Variants in CYREN observed in about 807,000 individuals in gnomAD.
The protein encoded by CYREN is cell cycle regulator of NHEJ.
Under a neutral mutation model 9.7 loss-of-function variants are expected in CYREN, and 7 were observed. The ratio of observed to expected loss-of-function variants is 0.72; its 90% CI spans 0.41 to 1.36. The LOEUF (loss-of-function observed/expected upper bound fraction) is 1.36. CYREN is among the 40% of genes most tolerant of loss of function. The probability of loss-of-function intolerance (pLI) is 0.01; values close to 1 mark genes in which losing one functional copy is unlikely to be tolerated. For synonymous variants in CYREN, 76 were observed against 77.9 expected, an observed-to-expected ratio of 0.98 and a Z score of 0.13; for missense variants, 215 against 198.1, an observed-to-expected ratio of 1.09 and a Z score of -0.51.
intron 2 of CYREN, among the ~76,000 whole-genome samples, chr7:135,112,814 G>A (rs1825823460): frequency 6.6e-6 from 1 of 152,112 alleles, no homozygotes; most frequent in Non-Finnish European, 1.5e-5. Context: ...TGATTGCTCT[G>A]TCACACAGGC....
intron 2 of CYREN, among the ~76,000 whole-genome samples, chr7:135,108,934 G>C (rs866331537): frequency 3.3e-5 from 5 of 152,264 alleles, no homozygotes; most frequent in African/African-American, 1.2e-4. Flanking sequence ...CAGAGAACCA[G>C]TCTTCAAGCT....
chr7:135,167,474 C>T (rs1045851007), intron 3 of CYREN: 20 of 1,361,176 alleles, frequency 1.5e-5, no homozygotes, highest in Admixed American at 6.5e-5. Context: ...TGCACAGTCA[C>T]GCTCTCCCTA....
chr7:135,107,139 AT>A (rs1824847880), intron 2 of CYREN, among the ~76,000 whole-genome samples: 1 of 123,682 alleles, frequency 8.1e-6, no homozygotes. Context: ...TATCTATATT[AT>A]TGATTTTTTT....
Position 135,167,720 on chromosome 7 carries a change from G to A in CYREN, c.213+12C>T. The A allele has an allele frequency of 6.2e-7, 1 of 1,613,890 alleles. No individual in the cohort carries two copies. The highest frequency in any genetic ancestry group is 8.5e-7 in the Non-Finnish European group (1 of 1,179,946). On this transcript the variant is annotated intron_variant, in intron 3 of 3. Coordinates refer to ENST00000393114, the MANE Select transcript of CYREN (RefSeq NM_024033.4). ...GTTTCTGGTCATGAGTAAGAGGCTT[G>A]TCTGACTTTACCTCAATCAGGATTC...
intron 2 of CYREN, among the ~76,000 whole-genome samples, chr7:135,109,871 C>T (rs560899247): frequency 5.1e-4 from 77 of 152,284 alleles, no homozygotes; most frequent in Non-Finnish European, 8.7e-4. Context: ...AAGACGGTGG[C>T]CCATCCTTTC....
chr7:135,164,661 G>A (rs374654185), downstream of CYREN: 3 of 1,613,296 alleles, frequency 1.9e-6, no homozygotes, highest in African/African-American at 4.0e-5. Flanking sequence ...GGAAGCCCTG[G>A]GGGTGCCTCG....
chr7:135,133,471 A>G (rs947864561), intron 2 of CYREN, among the ~76,000 whole-genome samples: 1 of 152,206 alleles, frequency 6.6e-6, no homozygotes, highest in Non-Finnish European at 1.5e-5. Context: ...AGCAAAAACA[A>G]TTTTGACAAA....
chr7:135,156,033 T>C (rs974572430), intron 2 of CYREN, among the ~76,000 whole-genome samples: 2 of 39,420 alleles, frequency 5.1e-5, no homozygotes, highest in Non-Finnish European at 1.3e-4. Context: ...AGACACACTG[T>C]TTTTTTTTTT....
chr7:135,133,755 C>A (rs901260042), intron 2 of CYREN, among the ~76,000 whole-genome samples: 1 of 152,000 alleles, frequency 6.6e-6, no homozygotes, highest in Non-Finnish European at 1.5e-5. Context: ...ACATCTTATA[C>A]AAAAATTAAC....
chr7:135,102,404 A>G (rs1374108612), intron 2 of CYREN, among the ~76,000 whole-genome samples: 1 of 152,176 alleles, frequency 6.6e-6, no homozygotes, highest in Non-Finnish European at 1.5e-5. Flanking sequence ...AAAAATGTTA[A>G]TAATATCAAA....
chr7:135,166,850 A>G lies in CYREN; in HGVS notation c.235T>C (p.Cys79Arg), dbSNP rs1830184369. Residue 79 changes from cysteine (C) to arginine (R), a missense_variant, in exon 4 of 4, where the codon TGC becomes CGC. Transcript: ENST00000393114. ...GCCCCCGCCAGGGCCGGCTGCTCGC[A>G]GGCCTTTTCCTGTTTGCGGCTCTGT... is the stretch of plus-strand genomic sequence containing the variant. ...LIESRKQEKACEQPALAGADN... is the reference protein window; with the variant it reads ...LIESRKQEKAREQPALAGADN... 6.2e-7 allele frequency: 1 copy of G among 1,613,934 alleles called. No individual in the cohort carries two copies. Among genetic ancestry groups the G allele is most frequent in the Non-Finnish European group, 8.5e-7 (1 of 1,179,852 alleles).
chr7:135,102,041 C>T (rs920323529), intron 2 of CYREN, among the ~76,000 whole-genome samples: 1 of 152,180 alleles, frequency 6.6e-6, no homozygotes, highest in African/African-American at 2.4e-5. Context: ...CGTGAGGCCT[C>T]CCTAGCCACA....
intron 2 of CYREN, among the ~76,000 whole-genome samples, chr7:135,143,565 G>C (rs898632984): frequency 6.6e-5 from 10 of 152,130 alleles, no homozygotes; most frequent in African/African-American, 2.4e-4. Context: ...GGTATGTGTA[G>C]GAATTACATG....
chr7:135,128,328 A>AAAAC (rs1828238689), intron 2 of CYREN: 1 of 186,260 alleles, frequency 5.4e-6, no homozygotes, highest in African/African-American at 2.6e-5. Context: ...AACGAAAAAA[A>AAAAC]AAAACAAAAC....
At chr7:135,104,040 T>C (rs1306327517) in intron 2 of CYREN, among the ~76,000 whole-genome samples, 1 of 152,146 alleles carries the variant, frequency 6.6e-6, no homozygotes, top group Non-Finnish European at 1.5e-5. Flanking sequence ...ACCCAATAGA[T>C]ACTTTTTCTG....
chr7:135,126,405 A>G (rs1262811520), intron 2 of CYREN, among the ~76,000 whole-genome samples: 2 of 152,228 alleles, frequency 1.3e-5, no homozygotes, highest in South Asian at 2.1e-4. Flanking sequence ...AAACAAGCGG[A>G]AAAACATTCC....
chr7:135,142,370 C>T (rs560562600), intron 2 of CYREN, among the ~76,000 whole-genome samples: 9 of 152,140 alleles, frequency 5.9e-5, no homozygotes, highest in South Asian at 4.1e-4. Context: ...TAATACAGTA[C>T]GTAATACATA....
upstream of CYREN, among the ~76,000 whole-genome samples, chr7:135,171,419 A>G (rs1205310310): frequency 6.6e-6 from 1 of 152,084 alleles, no homozygotes; most frequent in Non-Finnish European, 1.5e-5. Flanking sequence ...AGTAGTTAAA[A>G]ATCAACTCAT....
intron 2 of CYREN, 152 bp from the exon 3 acceptor site, chr7:135,167,959 C>G (rs1178345285): frequency 2.2e-6 from 3 of 1,349,988 alleles, no homozygotes; most frequent in Non-Finnish European, 3.0e-6. Flanking sequence ...GACACGGACA[C>G]AATTTCCTCA....
Sources: gnomAD v4.1 joint callset for allele counts (sites outside exome capture counted in the v4.1 genomes callset) on GRCh38, gnomAD v4.1.1 for gene constraint, MANE v1.5 for transcripts, NCBI Gene and HGNC (gene_info 2026-07-23, HGNC 2026-07-21) for gene names.